OTUD7A: variants seen among roughly 807,000 people sequenced by gnomAD.
The protein encoded by OTUD7A is OTU domain-containing protein 7A.
A neutral mutation model predicts 65.7 loss-of-function variants in OTUD7A; 12 were observed. The ratio of observed to expected loss-of-function variants is 0.18; its 90% CI spans 0.12 to 0.30. The LOEUF is 0.30. Among genes scored for constraint, OTUD7A ranks in the 10% least tolerant of loss-of-function variants. The pLI is 1.00. For missense variants in OTUD7A, 1,148 were observed against 1,304.8 expected (o/e 0.88, Z 1.85); for synonymous variants, 641 against 586.3 (o/e 1.09, Z -1.35).
intron 8 of OTUD7A, among the ~76,000 whole-genome samples, chr15:31,517,772 A>G (rs1236295481): frequency 6.6e-6 from 1 of 152,206 alleles, no homozygotes; most frequent in Non-Finnish European, 1.5e-5. Flanking sequence ...TGGCAGGACC[A>G]AGAAGCAAAG....
At chr15:31,830,848 A>T (rs1896913266) in intron 1 of OTUD7A, among the ~76,000 whole-genome samples, 1 of 152,248 alleles carries the variant, frequency 6.6e-6, no homozygotes, top group African/African-American at 2.4e-5. Context: ...AGTGAGTGTG[A>T]GCCAACAGGT....
At chr15:31,795,923 C>G (rs1895940229) in intron 1 of OTUD7A, among the ~76,000 whole-genome samples, 2 of 152,198 alleles carry the variant, frequency 1.3e-5, no homozygotes, top group South Asian at 4.1e-4. Flanking sequence ...GGTGTTCAAG[C>G]TTCTCTGAGC....
chr15:31,480,431 G>C lies in OTUD7A; in HGVS notation c.*2863C>G, dbSNP rs1247749567. The C allele has an allele frequency of 6.6e-6, 1 of 152,308 alleles. No individual in the cohort carries two copies. Among genetic ancestry groups the C allele is most frequent in the African/African-American group, 2.4e-5 (1 of 41,460 alleles). 9.4% of individuals were successfully genotyped at this position (152,308 alleles called of 1,614,324 possible). A position where few individuals can be genotyped will look rare whatever the true frequency, so the allele number is the denominator to read the frequency against. On this transcript the variant is annotated 3_prime_UTR_variant, in exon 13 of 13. Transcript: ENST00000307050. ...CTTCCTAGAAAGGGAAGTGTGGCCA[G>C]ATCAGGTGGGGAAGGCTGCTCTCAG...
chr15:31,761,970 G>A (rs572655546), intron 1 of OTUD7A, among the ~76,000 whole-genome samples: 3 of 152,188 alleles, frequency 2.0e-5, no homozygotes, highest in Non-Finnish European at 4.4e-5. Flanking sequence ...ACAGAAGATA[G>A]ATTAATGGTT....
At chr15:31,515,821 C>T (rs2041842769) in intron 8 of OTUD7A, among the ~76,000 whole-genome samples, 1 of 149,546 alleles carries the variant, frequency 6.7e-6, no homozygotes, top group Non-Finnish European at 1.5e-5. Flanking sequence ...GTCCATCTAT[C>T]CATCCATCCA....
intron 1 of OTUD7A, among the ~76,000 whole-genome samples, chr15:31,760,883 C>T (rs1424285144): frequency 6.6e-6 from 1 of 152,026 alleles, no homozygotes; most frequent in Non-Finnish European, 1.5e-5. Context: ...ACAAGAGCAG[C>T]AAGATAATTT....
chr15:31,750,906 C>A (rs781177264), intron 1 of OTUD7A, among the ~76,000 whole-genome samples: 1 of 152,060 alleles, frequency 6.6e-6, no homozygotes, highest in Non-Finnish European at 1.5e-5. Flanking sequence ...CCCTCCCTAT[C>A]GCCATATAAA....
chr15:31,639,929 A>C (rs1891460957), intron 3 of OTUD7A, among the ~76,000 whole-genome samples: 1 of 152,238 alleles, frequency 6.6e-6, no homozygotes, highest in African/African-American at 2.4e-5. Context: ...TACCAGATAT[A>C]TGATTTGCAG....
chr15:31,629,950 AT>A (rs1237923374), intron 3 of OTUD7A, among the ~76,000 whole-genome samples: 2 of 151,814 alleles, frequency 1.3e-5, no homozygotes, highest in Non-Finnish European at 2.9e-5. Context: ...CCCCTTTATC[AT>A]TTTTTATTGT....
chr15:31,608,962 A>G (rs186319414), intron 3 of OTUD7A, among the ~76,000 whole-genome samples: 146 of 152,290 alleles, frequency 9.6e-4, no homozygotes, highest in Non-Finnish European at 1.8e-3. Context: ...TCTGCCCCCA[A>G]ACACACACTC....
At chr15:31,794,434 A>G (rs896028267) in intron 1 of OTUD7A, among the ~76,000 whole-genome samples, 2 of 144,068 alleles carry the variant, frequency 1.4e-5, no homozygotes, top group Non-Finnish European at 3.0e-5. Flanking sequence ...TCAATGATAC[A>G]TTCAAATATT....
intron 1 of OTUD7A, among the ~76,000 whole-genome samples, chr15:31,720,418 T>C (rs1893703176): frequency 6.6e-6 from 1 of 151,892 alleles, no homozygotes; most frequent in Non-Finnish European, 1.5e-5. Context: ...TTTTTTTTTT[T>C]TGAGACGGAG....
intron 3 of OTUD7A, among the ~76,000 whole-genome samples, chr15:31,571,817 G>C (rs571483643): frequency 1.3e-5 from 2 of 152,264 alleles, no homozygotes; most frequent in South Asian, 4.1e-4. Context: ...TCATTCAACT[G>C]TTACTAATGC....
At position 31,844,303 on chromosome 15, in the gene OTUD7A, G is replaced by A. The variant is rs375096813; in HGVS notation, c.-100+26204C>T. Among the ~76,000 whole-genome samples the A allele has an allele frequency of 2.5e-3, 380 of 152,302 alleles. 2 individuals are homozygous for A. Among genetic ancestry groups the A allele is most frequent in the South Asian group, 0.019 (91 of 4,826 alleles). ...AGGTGGATCATGAGGTCAGGGGTTC[G>A]AGACCAGCCTGACCAGCATAGTGAA... is the stretch of plus-strand genomic sequence containing the variant. On this transcript the variant is annotated intron_variant, in intron 1 of 12. Transcript: ENST00000307050.
chr15:31,687,659 G>T (rs1892869877), intron 1 of OTUD7A, among the ~76,000 whole-genome samples: 1 of 152,152 alleles, frequency 6.6e-6, no homozygotes, highest in Non-Finnish European at 1.5e-5. Context: ...CTATCTGAAT[G>T]GTCTAACTTC....
intron 3 of OTUD7A, among the ~76,000 whole-genome samples, chr15:31,579,338 T>G (rs946941575): frequency 6.6e-6 from 1 of 152,228 alleles, no homozygotes; most frequent in African/African-American, 2.4e-5. Context: ...CACTATGGCT[T>G]CTCTTTGTCT....
intron 3 of OTUD7A, among the ~76,000 whole-genome samples, chr15:31,590,238 A>G (rs966092159): frequency 2.6e-5 from 4 of 152,246 alleles, no homozygotes; most frequent in Non-Finnish European, 5.9e-5. Flanking sequence ...CTTACGATCA[A>G]TAGGTTATAG....
At chr15:31,833,058 A>G (rs754435947) in intron 1 of OTUD7A, among the ~76,000 whole-genome samples, 1 of 152,192 alleles carries the variant, frequency 6.6e-6, no homozygotes, top group African/African-American at 2.4e-5. Context: ...CCAATTCCTT[A>G]CCAGCACTTA....
intron 1 of OTUD7A, among the ~76,000 whole-genome samples, chr15:31,848,442 T>G (rs1357448479): frequency 1.3e-5 from 2 of 151,062 alleles, no homozygotes; most frequent in Non-Finnish European, 2.9e-5. Flanking sequence ...AAACTGTGCT[T>G]TTTATTTTTA....
Sources: allele counts gnomAD v4.1 joint callset (sites outside exome capture counted in the v4.1 genomes callset), GRCh38; gene constraint gnomAD v4.1.1; transcripts MANE v1.5; gene names NCBI Gene and HGNC (gene_info 2026-07-23, HGNC 2026-07-21).